Variants in ZNF532 observed in about 807,000 individuals in gnomAD.
ZNF532 encodes zinc finger protein 532.
A neutral mutation model predicts 89.3 loss-of-function variants in ZNF532; 22 were observed. The ratio of observed to expected loss-of-function variants is 0.25; its 90% CI spans 0.18 to 0.35. The LOEUF is 0.35. Among genes scored for constraint, ZNF532 ranks in the 10% least tolerant of loss-of-function variants. The probability of loss-of-function intolerance (pLI) is 1.00; values close to 1 mark genes in which losing one functional copy is unlikely to be tolerated. For synonymous variants in ZNF532, 606 were observed against 649.6 expected, an observed-to-expected ratio of 0.93 and a Z score of 1.02; for missense variants, 1,132 against 1,643.4, an observed-to-expected ratio of 0.69 and a Z score of 5.38.
At chr18:58,946,678 C>T (rs1347692479) in intron 5 of ZNF532, among the ~76,000 whole-genome samples, 1 of 152,104 alleles carries the variant, frequency 6.6e-6, no homozygotes, top group Non-Finnish European at 1.5e-5. Flanking sequence ...ACACCTGCTA[C>T]GGTTAATGAT....
chr18:58,895,611 G>A (rs893863284), intron 2 of ZNF532, among the ~76,000 whole-genome samples: 3 of 152,178 alleles, frequency 2.0e-5, no homozygotes, highest in Non-Finnish European at 4.4e-5. Context: ...TATATCGTAC[G>A]TGTCTCTTCC....
Position 58,986,392 on chromosome 18 carries a change from C to G in ZNF532, c.*1926C>G, listed in dbSNP as rs1011057304. 6.6e-6 allele frequency: 1 copy of G among 152,634 alleles called. No individual in the cohort carries two copies. The highest frequency in any genetic ancestry group is 6.5e-5 in the Admixed American group (1 of 15,288). 9.5% of individuals were successfully genotyped at this position (152,634 alleles called of 1,614,324 possible). A position where few individuals can be genotyped will look rare whatever the true frequency, so the allele number is the denominator to read the frequency against. On this transcript the variant is annotated 3_prime_UTR_variant, in exon 10 of 10. Coordinates refer to ENST00000591808, the MANE Select transcript of ZNF532 (RefSeq NM_001375912.1). ...CATATTAGAACCCAAATATTTTGCT[C>G]TCTAAATCTAATGCTCGCTCTATGT...
chr18:58,917,482 C>T (rs2060686278), intron 2 of ZNF532, among the ~76,000 whole-genome samples: 1 of 152,134 alleles, frequency 6.6e-6, no homozygotes, highest in East Asian at 1.9e-4. Flanking sequence ...GCTTTATCTC[C>T]CCTGACAATC....
chr18:58,894,943 A>G (rs1386807423), intron 2 of ZNF532, among the ~76,000 whole-genome samples: 1 of 152,212 alleles, frequency 6.6e-6, no homozygotes, highest in Admixed American at 6.5e-5. Flanking sequence ...CCTGGGCAAC[A>G]TAGGCCTTGT....
At chr18:58,886,321 A>G (rs559197089) in intron 2 of ZNF532, among the ~76,000 whole-genome samples, 11 of 152,170 alleles carry the variant, frequency 7.2e-5, no homozygotes, top group African/African-American at 2.6e-4. Flanking sequence ...TTACGTGTCT[A>G]TATGCTTAAA....
chr18:58,900,623 C>T (rs1189343223), intron 2 of ZNF532, among the ~76,000 whole-genome samples: 1 of 152,160 alleles, frequency 6.6e-6, no homozygotes, highest in Non-Finnish European at 1.5e-5. Context: ...TGGTCACCTG[C>T]CCCTCCCTGT....
intron 9 of ZNF532, 142 bp downstream of exon 9, chr18:58,981,759 C>CTT: frequency 9.4e-7 from 1 of 1,064,284 alleles, no homozygotes; most frequent in Non-Finnish European, 1.4e-6. Flanking sequence ...ATGCCCACCA[C>CTT]TTTGGGAGGC....
At chr18:58,886,366 T>C (rs2058306014) in intron 2 of ZNF532, among the ~76,000 whole-genome samples, 1 of 152,188 alleles carries the variant, frequency 6.6e-6, no homozygotes, top group African/African-American at 2.4e-5. Context: ...TTTAAGGTAG[T>C]GTATGTATTG....
rs774283286 is a variant in ZNF532 at position 58,920,122 on chromosome 18, C to T, written c.1835C>T (p.Pro612Leu). 1.2e-6 allele frequency: 2 copies of T among 1,613,834 alleles called. No homozygotes were observed. The highest frequency in any genetic ancestry group is 2.2e-5 in the East Asian group (1 of 44,898). The part of the protein sequence containing the change: ...SPPANAGITL[P>L]TRGYKCLECG... ...CCCGCCAATGCAGGGATCACGTTACCGACGCGTGGGTACAAGTGCTTGGAG... is the reference window on the plus strand; with the variant it reads ...CCCGCCAATGCAGGGATCACGTTACTGACGCGTGGGTACAAGTGCTTGGAG... The change falls in exon 3 of 10, where the codon CCG becomes CTG. Residue 612 changes from proline to leucine, a missense_variant. Coordinates refer to ENST00000591808, the MANE Select transcript of ZNF532 (RefSeq NM_001375912.1).
rs1340891746 is a variant in ZNF532, at chr18:58,939,551, T to C, written c.2635T>C (p.Phe879Leu). 6.2e-7 allele frequency: 1 copy of C among 1,614,148 alleles called. No homozygotes were observed. Among genetic ancestry groups the C allele is most frequent in the Admixed American group, 1.7e-5 (1 of 60,012 alleles). The change falls in exon 5 of 10, where the codon TTT (phenylalanine) becomes CTT (leucine). Residue 879 changes from phenylalanine to leucine, a missense_variant. This residue lies in a region of ZNF532 where 415 missense variants were observed against 604.8 expected (regional missense o/e 0.69). Transcript: ENST00000591808. ...CAAGTGTCCTATTTGTCCAATGGCGTTTAAGTCTGCCCCAAGCACACATTC... is the reference window on the plus strand; with the variant it reads ...CAAGTGTCCTATTTGTCCAATGGCGCTTAAGTCTGCCCCAAGCACACATTC... The part of the protein sequence containing the change: ...FYKCPICPMA[F>L]KSAPSTHSHA...
chr18:58,881,091 T>G (rs1004100179), intron 2 of ZNF532, among the ~76,000 whole-genome samples: 3 of 152,048 alleles, frequency 2.0e-5, no homozygotes, highest in East Asian at 3.9e-4. Context: ...CTGTTTTGCT[T>G]CTTTTTTCTT....
intron 3 of ZNF532, among the ~76,000 whole-genome samples, chr18:58,922,156 T>A (rs2061151529): frequency 6.6e-6 from 1 of 152,200 alleles, no homozygotes; most frequent in Admixed American, 6.5e-5. Flanking sequence ...AGCACTAGTT[T>A]GAGCTAATAT....
upstream of ZNF532, chr18:58,863,708 A>G (rs2056173544): frequency 6.6e-6 from 1 of 150,788 alleles, no homozygotes; most frequent in Non-Finnish European, 1.5e-5. Flanking sequence ...TGCGGCCCAG[A>G]CGCCCGGGCT....
At chr18:58,974,000 A>T (rs558800535) in intron 7 of ZNF532, among the ~76,000 whole-genome samples, 1 of 152,292 alleles carries the variant, frequency 6.6e-6, no homozygotes, top group Admixed American at 6.5e-5. Flanking sequence ...GGGGTTGATT[A>T]TAAAGGGCAC....
chr18:58,972,815 T>C (rs2066607545), intron 7 of ZNF532, among the ~76,000 whole-genome samples: 1 of 152,220 alleles, frequency 6.6e-6, no homozygotes. Context: ...TCCAGCACTT[T>C]ATCCTAAATT....
chr18:58,887,118 A>G (rs1300566581), intron 2 of ZNF532, among the ~76,000 whole-genome samples: 4 of 152,246 alleles, frequency 2.6e-5, no homozygotes, highest in African/African-American at 4.8e-5. Context: ...ACACAGGCAG[A>G]TGATGGAGTT....
chr18:58,900,440 C>T (rs923056220), intron 2 of ZNF532, among the ~76,000 whole-genome samples: 2 of 152,190 alleles, frequency 1.3e-5, no homozygotes, highest in Admixed American at 6.5e-5. Context: ...TCTCCCTCCT[C>T]CCTAGCTTCC....
intron 2 of ZNF532, among the ~76,000 whole-genome samples, chr18:58,901,420 C>T (rs2059592849): frequency 6.6e-6 from 1 of 152,200 alleles, no homozygotes; most frequent in South Asian, 2.1e-4. Flanking sequence ...AGCCATTGTG[C>T]AGAGGAGTCG....
intron 2 of ZNF532, among the ~76,000 whole-genome samples, chr18:58,884,072 T>C (rs1430657782): frequency 6.6e-6 from 1 of 152,220 alleles, no homozygotes; most frequent in African/African-American, 2.4e-5. Flanking sequence ...ATATTTTAAA[T>C]TTAGTGCTTA....
Sources: allele counts gnomAD v4.1 joint callset (sites outside exome capture counted in the v4.1 genomes callset), GRCh38; gene constraint gnomAD v4.1.1; regional missense constraint gnomAD v4.1.1; transcripts MANE v1.5; gene names NCBI Gene and HGNC (gene_info 2026-07-23, HGNC 2026-07-21).